Variants in STK39 observed in about 807,000 individuals in gnomAD.
The protein encoded by STK39 is serine/threonine kinase 39.
In STK39, 20 loss-of-function variants were observed where a neutral mutation model predicts 77.8. The ratio of observed to expected loss-of-function variants is 0.26; its 90% CI spans 0.18 to 0.37. STK39 has a LOEUF of 0.37. Among genes scored for constraint, STK39 ranks in the 10% least tolerant of loss-of-function variants. The probability of loss-of-function intolerance (pLI) is 1.00; values close to 1 mark genes in which losing one functional copy is unlikely to be tolerated. For missense variants in STK39, 479 were observed against 656.5 expected (o/e 0.73, Z 2.95); for synonymous variants, 246 against 234.1 (o/e 1.05, Z -0.47).
chr2:168,056,873 G>A (rs1274957479), intron 14 of STK39, among the ~76,000 whole-genome samples: 1 of 152,178 alleles, frequency 6.6e-6, no homozygotes, highest in Non-Finnish European at 1.5e-5. Flanking sequence ...AGAATAGCTT[G>A]TTCAGGCCCA....
At chr2:167,980,145 T>G (rs1247664682) in intron 16 of STK39, among the ~76,000 whole-genome samples, 3 of 152,238 alleles carry the variant, frequency 2.0e-5, no homozygotes, top group Non-Finnish European at 4.4e-5. Flanking sequence ...CAATATAGTC[T>G]ATGTATAAGA....
At chr2:168,006,477 T>C (rs1684136465) in intron 16 of STK39, among the ~76,000 whole-genome samples, 1 of 152,198 alleles carries the variant, frequency 6.6e-6, no homozygotes, top group South Asian at 2.1e-4. Flanking sequence ...ACTTATTTCT[T>C]GCCGGCTGTT....
At chr2:168,102,847 A>G (rs752191749) in intron 10 of STK39, among the ~76,000 whole-genome samples, 11 of 146,840 alleles carry the variant, frequency 7.5e-5, no homozygotes, top group South Asian at 4.4e-4. Context: ...GGAGAATGGC[A>G]TGAACCTGGG....
chr2:168,192,823 T>C (rs1321696109), intron 1 of STK39, among the ~76,000 whole-genome samples: 1 of 152,196 alleles, frequency 6.6e-6, no homozygotes, highest in Non-Finnish European at 1.5e-5. Context: ...GGATAGAAAC[T>C]AGAACCAGGT....
At chr2:168,037,406 A>G (rs1684984628) in intron 14 of STK39, among the ~76,000 whole-genome samples, 1 of 152,214 alleles carries the variant, frequency 6.6e-6, no homozygotes, top group South Asian at 2.1e-4. Context: ...CCAAATTTTT[A>G]AGAGGGTTAT....
chr2:168,018,117 T>C (rs1206094453), intron 14 of STK39, among the ~76,000 whole-genome samples: 1 of 152,182 alleles, frequency 6.6e-6, no homozygotes, highest in Non-Finnish European at 1.5e-5. Flanking sequence ...TGAGCTATAA[T>C]TAGAATAGTT....
intron 2 of STK39, among the ~76,000 whole-genome samples, chr2:168,171,645 T>G (rs1688827764): frequency 6.6e-6 from 1 of 151,820 alleles, no homozygotes; most frequent in Non-Finnish European, 1.5e-5. Context: ...TGCTATCACA[T>G]CCAGCTAATT....
intron 1 of STK39, among the ~76,000 whole-genome samples, chr2:168,206,111 T>C (rs1689734928): frequency 1.3e-5 from 2 of 152,178 alleles, no homozygotes; most frequent in African/African-American, 4.8e-5. Flanking sequence ...TTCTCTGTAG[T>C]TACCACAATC....
At chr2:168,235,012 A>G (rs1690561408) in intron 1 of STK39, among the ~76,000 whole-genome samples, 1 of 151,060 alleles carries the variant, frequency 6.6e-6, no homozygotes, top group Non-Finnish European at 1.5e-5. Context: ...AAATTTTAGT[A>G]GTACCTTAAA....
intron 16 of STK39, among the ~76,000 whole-genome samples, chr2:167,994,174 A>C (rs562542565): frequency 6.6e-6 from 1 of 152,322 alleles, no homozygotes; most frequent in East Asian, 1.9e-4. Flanking sequence ...AGTAAATAAA[A>C]CCACCATCTC....
chr2:168,173,061 C>T (rs911450262), intron 2 of STK39, among the ~76,000 whole-genome samples: 1 of 152,108 alleles, frequency 6.6e-6, no homozygotes, highest in African/African-American at 2.4e-5. Context: ...GCTTAGAACC[C>T]CTACTTGCGA....
intron 16 of STK39, among the ~76,000 whole-genome samples, chr2:167,982,037 G>A (rs1014199903): frequency 1.3e-5 from 2 of 152,162 alleles, no homozygotes; most frequent in Non-Finnish European, 2.9e-5. Context: ...TAGGCAGCCT[G>A]CAAGATACAG....
intron 16 of STK39, among the ~76,000 whole-genome samples, chr2:168,008,334 A>AG (rs1684184218): frequency 6.6e-6 from 1 of 152,200 alleles, no homozygotes; most frequent in South Asian, 2.1e-4. Flanking sequence ...GGGCACATTC[A>AG]GATGAGTTGG....
chr2:168,021,364 G>T (rs1313676587), intron 14 of STK39, among the ~76,000 whole-genome samples: 2 of 152,146 alleles, frequency 1.3e-5, no homozygotes, highest in Non-Finnish European at 2.9e-5. Context: ...CCTTTGAAAA[G>T]ATCACAGTGA....
At chr2:167,997,817 T>C (rs557872570) in intron 16 of STK39, among the ~76,000 whole-genome samples, 3 of 152,312 alleles carry the variant, frequency 2.0e-5, no homozygotes, top group Admixed American at 6.5e-5. Context: ...AAAACAGTGA[T>C]TTAAAGAATT....
At chr2:168,189,423 A>C (rs201739628) in intron 1 of STK39, among the ~76,000 whole-genome samples, 4 of 150,042 alleles carry the variant, frequency 2.7e-5, no homozygotes, top group South Asian at 4.3e-4. Context: ...AAAAAAAAAA[A>C]CCAAAAAACC....
intron 1 of STK39, among the ~76,000 whole-genome samples, chr2:168,237,678 G>A (rs1690655681): frequency 6.6e-6 from 1 of 152,168 alleles, no homozygotes; most frequent in Non-Finnish European, 1.5e-5. Context: ...GGATTCTAAG[G>A]ACTTTGGGAC....
chr2:167,979,482 A>G (rs1683362150), intron 16 of STK39, among the ~76,000 whole-genome samples: 1 of 152,226 alleles, frequency 6.6e-6, no homozygotes, highest in African/African-American at 2.4e-5. Context: ...CTTTCTGACA[A>G]TAAAGGTCTT....
chr2:168,158,578 A>C (rs781505925), intron 5 of STK39, among the ~76,000 whole-genome samples: 1 of 152,186 alleles, frequency 6.6e-6, no homozygotes, highest in Non-Finnish European at 1.5e-5. Context: ...ATTTAAATCC[A>C]GATTTAAGGT....
Sources: gnomAD v4.1 joint callset for allele counts (sites outside exome capture counted in the v4.1 genomes callset) on GRCh38, gnomAD v4.1.1 for gene constraint, MANE v1.5 for transcripts, NCBI Gene and HGNC (gene_info 2026-07-23, HGNC 2026-07-21) for gene names.